The following TIAM2 variants were observed in gnomAD, a reference collection of about 807,000 sequenced individuals.
TIAM2 encodes the protein TIAM Rac1 associated GEF 2.
In TIAM2, 80 loss-of-function variants were observed where a neutral mutation model predicts 152.9. The observed-to-expected ratio is 0.52, with a 90% CI of 0.44 to 0.63. TIAM2 has a LOEUF of 0.63. Among genes scored for constraint, TIAM2 ranks in the 30% least tolerant of loss-of-function variants. TIAM2 has a pLI of 0.00. For missense variants in TIAM2, 1,965 were observed against 2,120.1 expected (o/e 0.93, Z 1.44); for synonymous variants, 804 against 838.0 (o/e 0.96, Z 0.70).
chr6:155,029,629 CTA>C (rs565070470), intron 1 of TIAM2, among the ~76,000 whole-genome samples: 1,406 of 81,060 alleles, frequency 0.017, 48 homozygotes, highest in African/African-American at 0.064. Context: ...ATGTATATAA[CTA>C]TATATAGTTA....
Position 155,187,441 on chromosome 6 carries a change from G to T in TIAM2, c.3064+3941G>T, listed in dbSNP as rs567747347. Among the ~76,000 whole-genome samples, 30 of 151,972 alleles carry T rather than the reference G, an allele frequency of 2.0e-4. No homozygotes were observed. The South Asian group carries it at 2.9e-3, about 15-fold the overall frequency. Reference sequence around the variant, plus strand: ...GATACTAATAATGTTTAGGAAAATGGGTCTCAAACTTCCTAGTGCCCAAGA... The same window carrying T: ...GATACTAATAATGTTTAGGAAAATGTGTCTCAAACTTCCTAGTGCCCAAGA... On this transcript the variant is annotated intron_variant, in intron 14 of 26. Coordinates refer to ENST00000682666, the MANE Select transcript of TIAM2 (RefSeq NM_012454.4).
chr6:155,003,799 G>A (rs990213432), intron 1 of TIAM2, among the ~76,000 whole-genome samples: 1 of 152,136 alleles, frequency 6.6e-6, no homozygotes, highest in Non-Finnish European at 1.5e-5. Flanking sequence ...AGGCCAACAT[G>A]GTGAAACCCT....
rs180893273 is a variant in TIAM2 at position 155,028,434 on chromosome 6, A to G, written c.-209+32942A>G. On this transcript the variant is annotated intron_variant, in intron 1 of 26. Coordinates refer to ENST00000682666, the MANE Select transcript of TIAM2 (RefSeq NM_012454.4). The stretch of plus-strand genomic sequence containing the variant: ...GTTACATATACTACATATAATATAT[A>G]TACTGTGTTACATATACTACATATA... 2.4e-3 allele frequency among the ~76,000 whole-genome samples: 311 copies of G among 127,016 alleles called. 4 individuals carry two copies. The highest frequency in any genetic ancestry group is 9.3e-3 in the African/African-American group (293 of 31,658). The allele number at this position is 127,016 out of a possible 152,430, so 83.3% of individuals were successfully genotyped here.
At chr6:155,030,902 T>TG (rs1014984230) in intron 1 of TIAM2, among the ~76,000 whole-genome samples, 7 of 152,126 alleles carry the variant, frequency 4.6e-5, no homozygotes, top group Non-Finnish European at 1.0e-4. Context: ...TTAGAAGACT[T>TG]GGGGAAATAA....
chr6:155,166,971 G>A (rs1386031636), intron 9 of TIAM2, among the ~76,000 whole-genome samples: 1 of 152,048 alleles, frequency 6.6e-6, no homozygotes, highest in African/African-American at 2.4e-5. Flanking sequence ...ACATTTTATT[G>A]GATCTTTGTT....
intron 2 of TIAM2, among the ~76,000 whole-genome samples, chr6:155,106,697 GCTGAGGCTC>G (rs1778698538): frequency 6.6e-6 from 1 of 152,340 alleles, no homozygotes; most frequent in Non-Finnish European, 1.5e-5. Context: ...TAAAAAAGAA[GCTGAGGCTC>G]CCTTCAAGTG....
Position 155,137,265 on chromosome 6 carries a change from C to T in TIAM2, c.1283C>T (p.Ala428Val), listed in dbSNP as rs920400389. Residue 428 changes from alanine (A) to valine (V), a missense_variant, in exon 5 of 27, where the codon GCT (alanine) becomes GTT (valine). Transcript: ENST00000682666. Reference protein sequence around the residue: ...TDVQGSSQASAFLWSGGSTQI... With the variant: ...TDVQGSSQASVFLWSGGSTQI... The stretch of plus-strand genomic sequence containing the variant: ...GTGCAGGGATCCTCCCAGGCATCTG[C>T]TTTTCTGTGGTCAGGGGGCTCTACT... 1 of 1,614,236 alleles carries T rather than the reference C, an allele frequency of 6.2e-7. No homozygotes were observed.
intron 3 of TIAM2, 79 bp downstream of exon 3, chr6:155,127,679 T>C (rs1779328712): frequency 4.5e-6 from 2 of 440,318 alleles, no homozygotes; most frequent in South Asian, 3.3e-5. Flanking sequence ...GTTTAATTAT[T>C]TGGGCTAGCG....
intron 1 of TIAM2, among the ~76,000 whole-genome samples, chr6:155,044,987 CTTTTG>C (rs990932400): frequency 6.6e-6 from 1 of 151,154 alleles, no homozygotes; most frequent in Non-Finnish European, 1.5e-5. Flanking sequence ...TTCTTTTCAT[CTTTTG>C]TTTTAAATTT....
intron 1 of TIAM2, among the ~76,000 whole-genome samples, chr6:155,038,730 C>T (rs1200024676): frequency 3.3e-5 from 5 of 152,008 alleles, no homozygotes; most frequent in South Asian, 2.1e-4. Flanking sequence ...GCCAGAAATT[C>T]GAGACCAGCC....
intron 2 of TIAM2, among the ~76,000 whole-genome samples, chr6:155,115,898 G>A (rs1778998838): frequency 6.6e-6 from 1 of 152,206 alleles, no homozygotes; most frequent in Non-Finnish European, 1.5e-5. Context: ...GCTCACCTGA[G>A]ATCAGGAGTT....
chr6:155,127,403 T>C (rs1583204293), intron 2 of TIAM2, 87 bp from the exon 3 acceptor site: 1 of 356,128 alleles, frequency 2.8e-6, no homozygotes, highest in Non-Finnish European at 5.5e-6. Context: ...TGTTTCTTCA[T>C]ATAATTTGCG....
intron 15 of TIAM2, among the ~76,000 whole-genome samples, chr6:155,230,649 A>G (rs9478626): frequency 0.59 from 89,031 of 151,928 alleles, 27,506 homozygotes; most frequent in Middle Eastern, 0.74. Flanking sequence ...AAAATTGTAA[A>G]AATTCAACCG....
intron 2 of TIAM2, among the ~76,000 whole-genome samples, chr6:155,116,268 T>A (rs1457778187): frequency 6.6e-6 from 1 of 152,220 alleles, no homozygotes; most frequent in Non-Finnish European, 1.5e-5. Flanking sequence ...TTAGCTAAAA[T>A]CTTATCAGGT....
chr6:155,041,419 T>C (rs1777045168), intron 1 of TIAM2, among the ~76,000 whole-genome samples: 1 of 152,172 alleles, frequency 6.6e-6, no homozygotes, highest in Admixed American at 6.5e-5. Context: ...TCCATGGGTT[T>C]GAGTTTTGCC....
chr6:155,106,793 C>T (rs978077588), intron 2 of TIAM2, among the ~76,000 whole-genome samples: 6 of 152,234 alleles, frequency 3.9e-5, no homozygotes, highest in African/African-American at 1.2e-4. Flanking sequence ...GCAGGCCCAA[C>T]AACAGCCCAG....
At chr6:155,033,442 C>T (rs752514154) in intron 1 of TIAM2, among the ~76,000 whole-genome samples, 1 of 152,164 alleles carries the variant, frequency 6.6e-6, no homozygotes. Context: ...ATTCCCTAAT[C>T]TTGTAGTTGA....
intron 25 of TIAM2, 26 bp from the exon 26 acceptor site, chr6:155,254,393 G>C: frequency 6.2e-7 from 1 of 1,607,146 alleles, no homozygotes; most frequent in South Asian, 1.1e-5. Flanking sequence ...GGACACTTCT[G>C]CTGTTTTCTC....
intron 15 of TIAM2, among the ~76,000 whole-genome samples, chr6:155,227,421 A>C (rs1329203500): frequency 6.6e-6 from 1 of 152,230 alleles, no homozygotes; most frequent in East Asian, 1.9e-4. Flanking sequence ...TTAGCATGAG[A>C]AAACTCAAAT....
Sources: gnomAD v4.1 joint callset for allele counts (sites outside exome capture counted in the v4.1 genomes callset) on GRCh38, gnomAD v4.1.1 for gene constraint, MANE v1.5 for transcripts, NCBI Gene and HGNC (gene_info 2026-07-23, HGNC 2026-07-21) for gene names.